The following IKBKB variants were observed in gnomAD, a reference collection of about 807,000 sequenced individuals.
IKBKB encodes the protein inhibitor of nuclear factor kappa-B kinase subunit beta.
A neutral mutation model predicts 113.6 loss-of-function variants in IKBKB; 42 were observed. The observed-to-expected ratio is 0.37, with a 90% CI of 0.29 to 0.48. The LOEUF (loss-of-function observed/expected upper bound fraction) is 0.48, where lower values mean the gene tolerates loss of function less well. IKBKB is among the 20% of genes least tolerant of loss of function. The pLI is 0.99. For missense variants in IKBKB, 673 were observed against 939.7 expected (o/e 0.72, Z 3.71); for synonymous variants, 296 against 361.3 (o/e 0.82, Z 2.05).
chr8:42,323,488 C>T (rs796319138), intron 19 of IKBKB, among the ~76,000 whole-genome samples: 15 of 152,306 alleles, frequency 9.8e-5, no homozygotes, highest in African/African-American at 3.6e-4. Flanking sequence ...GTTGGGACTG[C>T]AAGCCCCATT....
intron 2 of IKBKB, among the ~76,000 whole-genome samples, chr8:42,281,769 G>A (rs1396588709): frequency 6.6e-6 from 1 of 152,196 alleles, no homozygotes; most frequent in Non-Finnish European, 1.5e-5. Flanking sequence ...CTGAGAAGGA[G>A]GAGGAGGTTT....
At chr8:42,322,611 C>A (rs1819976511) in intron 19 of IKBKB, 117 bp downstream of exon 19, 2 of 1,070,122 alleles carry the variant, frequency 1.9e-6, no homozygotes, top group Non-Finnish European at 2.7e-6. Context: ...GCCCACTCAG[C>A]TGCTGCTCGG....
rs146638252 is a variant in IKBKB, at chr8:42,322,442, G to A, written c.1934G>A (p.Arg645Gln). ...AATGAGGATGAGAAGACTGTTGTCC[G>A]GCTGCAGGAGAAGCGGCAGAAGGAG... is the stretch of plus-strand genomic sequence containing the variant. ...LMNEDEKTVV[R>Q]LQEKRQKELW... The change falls in exon 19 of 22, where the codon CGG (arginine) becomes CAG (glutamine). Residue 645 changes from arginine (R) to glutamine (Q), a missense_variant. Around this residue, in one of 2 missense-constraint regions of IKBKB, gnomAD observed 506 missense variants for 638.7 expected, o/e 0.79. Coordinates refer to ENST00000520810, the MANE Select transcript of IKBKB (RefSeq NM_001556.3). 9 of 1,613,856 alleles carry A rather than the reference G, an allele frequency of 5.6e-6. No individual in the cohort carries two copies. The African/African-American group carries it at 9.4e-5, about 17-fold the overall frequency.
chr8:42,273,719 T>G (rs1275477913), intron 2 of IKBKB, among the ~76,000 whole-genome samples: 1 of 151,978 alleles, frequency 6.6e-6, no homozygotes, highest in Non-Finnish European at 1.5e-5. Context: ...GCTGAGGTTT[T>G]TTTTTTATTT....
At chr8:42,324,625 G>T in intron 19 of IKBKB, 1 of 152,356 alleles carries the variant, frequency 6.6e-6, no homozygotes, top group East Asian at 1.9e-4. Context: ...GATATTAAAG[G>T]AACTTGAGTG....
At chr8:42,326,274 C>T (rs767153028) in intron 20 of IKBKB, 177 bp downstream of exon 20, 10 of 690,688 alleles carry the variant, frequency 1.4e-5, no homozygotes, top group Non-Finnish European at 2.1e-5. Context: ...TCTCATAGTC[C>T]CTTGAAACTT....
chr8:42,316,698 G>C lies in IKBKB; in HGVS notation c.931-12G>C, dbSNP rs920349132. 3 of 1,606,840 alleles carry C rather than the reference G, an allele frequency of 1.9e-6. No individual in the cohort carries two copies. In the Admixed American group the frequency reaches 5.0e-5, roughly 27 times the overall value. ...AAATCGGTTTTCCAGTAACATCTGG[G>C]TTGTGTTGCAGCTGGTTCATATCTT... On this transcript the variant is annotated splice_polypyrimidine_tract_variant and intron_variant, in intron 10 of 21. Coordinates refer to ENST00000520810, the MANE Select transcript of IKBKB (RefSeq NM_001556.3). This position sits in a 1 kb window ranked among gnomAD's most constrained non-coding sequence, Gnocchi z 4.5.
intron 8 of IKBKB, chr8:42,309,619 G>A: frequency 4.6e-6 from 1 of 215,778 alleles, no homozygotes; most frequent in South Asian, 5.1e-5. Flanking sequence ...TGTGGTGGCG[G>A]GCGCCTGTAA....
At position 42,314,435 on chromosome 8, in the gene IKBKB, G is replaced by A; in HGVS notation, c.800+6G>A. 6.5e-7 allele frequency: 1 copy of A among 1,528,132 alleles called. No individual in the cohort carries two copies. The highest frequency in any genetic ancestry group is 1.4e-5 in the African/African-American group (1 of 73,218). The allele number at this position is 1,528,132 out of a possible 1,614,324, so 94.7% of individuals were successfully genotyped here. A position where few individuals can be genotyped will look rare whatever the true frequency, so the allele number is the denominator to read the frequency against. ...TACCCCAATAATCTTAACAGGTAAGGCACAGCGGCATTACACGAATACATA... is the reference window on the plus strand; with the variant it reads ...TACCCCAATAATCTTAACAGGTAAGACACAGCGGCATTACACGAATACATA... On this transcript the variant is annotated splice_donor_region_variant and intron_variant, in intron 9 of 21. Transcript: ENST00000520810.
rs562416912 is a variant in IKBKB at position 42,302,843 on chromosome 8, T to C, written c.389-2344T>C. Among the ~76,000 whole-genome samples the C allele has an allele frequency of 1.7e-4, 26 of 152,250 alleles. No individual in the cohort carries two copies. The South Asian group carries it at 5.2e-3, about 30-fold the overall frequency. On this transcript the variant is annotated intron_variant, in intron 5 of 21. Coordinates refer to ENST00000520810, the MANE Select transcript of IKBKB (RefSeq NM_001556.3). ...ATAGCTTAATGTTCTGAGCTGGAAC[T>C]CCTTTAATAAGGTGGAAGTCAGTTG... is the stretch of plus-strand genomic sequence containing the variant.
intron 5 of IKBKB, chr8:42,298,365 G>C: frequency 2.0e-6 from 2 of 985,420 alleles, no homozygotes; most frequent in Non-Finnish European, 2.4e-6. Context: ...CTCTGTTGCT[G>C]TCCCTGCTTC....
intron 4 of IKBKB, among the ~76,000 whole-genome samples, chr8:42,291,667 AT>A (rs909791787): frequency 5.3e-5 from 8 of 151,616 alleles, no homozygotes; most frequent in South Asian, 2.1e-4. Context: ...TTAAAAAAAA[AT>A]TTTTTTTTCC....
chr8:42,305,889 C>T (rs1169116348), intron 6 of IKBKB, among the ~76,000 whole-genome samples: 1 of 152,266 alleles, frequency 6.6e-6, no homozygotes, highest in East Asian at 1.9e-4. Flanking sequence ...CTAATCCCTT[C>T]CCATACAGCT....
chr8:42,315,270 A>G (rs1447878732), intron 9 of IKBKB, among the ~76,000 whole-genome samples: 2 of 152,254 alleles, frequency 1.3e-5, no homozygotes, highest in Admixed American at 6.5e-5. Context: ...GACATGGATA[A>G]TGATTACCAT....
chr8:42,288,685 C>A lies in IKBKB; in HGVS notation c.157C>A (p.Arg53=). ...GCAGTGCCGGCAGGAGCTCAGCCCC[C>A]GGAACCGAGAGCGGTGGTGCCTGGA... is the stretch of plus-strand genomic sequence containing the variant. ...IKQCRQELSP[R]NRERWCLEIQ... is the part of the protein sequence containing the mutation. The change falls in exon 3 of 22, where the codon CGG becomes AGG. Residue 53 remains arginine, a synonymous_variant. Transcript: ENST00000520810. 1 of 1,611,318 alleles carries A rather than the reference C, an allele frequency of 6.2e-7. No individual in the cohort carries two copies. Among genetic ancestry groups the A allele is most frequent in the Non-Finnish European group, 8.5e-7 (1 of 1,178,690 alleles).
chr8:42,309,173 G>A (rs775961533), intron 8 of IKBKB, 148 bp downstream of exon 8: 95 of 826,536 alleles, frequency 1.1e-4, no homozygotes, highest in East Asian at 4.8e-4. Context: ...GACCTAGCAC[G>A]AGTAGGGGAG....
chr8:42,315,378 G>A (rs893398255), intron 9 of IKBKB, among the ~76,000 whole-genome samples: 6 of 152,168 alleles, frequency 3.9e-5, no homozygotes, highest in Non-Finnish European at 8.8e-5. Flanking sequence ...AGATGTACAG[G>A]ACATGGATAG....
At chr8:42,314,295 T>G in intron 8 of IKBKB, 27 bp from the exon 9 acceptor site, 1 of 1,491,944 alleles carries the variant, frequency 6.7e-7, no homozygotes, top group East Asian at 2.3e-5. Context: ...AACGTGTGAC[T>G]GCACCTAACA....
intron 2 of IKBKB, among the ~76,000 whole-genome samples, chr8:42,274,187 T>C (rs1248384688): frequency 6.6e-6 from 1 of 151,822 alleles, no homozygotes; most frequent in Admixed American, 6.6e-5. Flanking sequence ...TGCACCACCA[T>C]GCCAGCTAAT....
Sources: allele counts gnomAD v4.1 joint callset (sites outside exome capture counted in the v4.1 genomes callset), GRCh38; gene constraint gnomAD v4.1.1; regional missense constraint gnomAD v4.1.1; non-coding constraint Gnocchi (gnomAD v3.1); transcripts MANE v1.5; gene names NCBI Gene and HGNC (gene_info 2026-07-23, HGNC 2026-07-21).